Variants in RNF130 observed in about 807,000 individuals in gnomAD.
RNF130 encodes ring finger protein 130, also known as E3 ubiquitin-protein ligase RNF130.
Under a neutral mutation model 44.6 loss-of-function variants are expected in RNF130, and 21 were observed. The ratio of observed to expected loss-of-function variants is 0.47; its 90% confidence interval spans 0.33 to 0.68. The LOEUF (loss-of-function observed/expected upper bound fraction) is 0.68, where lower values mean the gene tolerates loss of function less well. Ranked by LOEUF, RNF130 falls within the 30% of genes least tolerant of loss-of-function variation. The probability of loss-of-function intolerance (pLI) is 0.02; values close to 1 mark genes in which losing one functional copy is unlikely to be tolerated. For missense variants in RNF130, 479 were observed against 560.6 expected, an observed-to-expected ratio of 0.85 and a Z score of 1.47; for synonymous variants, 214 against 210.4, an observed-to-expected ratio of 1.02 and a Z score of -0.15.
intron 3 of RNF130, among the ~76,000 whole-genome samples, chr5:180,002,249 G>A (rs1225198816): frequency 6.6e-6 from 1 of 152,230 alleles, no homozygotes; most frequent in East Asian, 1.9e-4. Flanking sequence ...TACTGCTTCA[G>A]CTCCAGTCCA....
rs550840687 is a variant in RNF130 at position 179,942,241 on chromosome 5, C to A, written c.1151-21815G>T. Among the ~76,000 whole-genome samples, 51 of 128,848 alleles carry A rather than the reference C, an allele frequency of 4.0e-4. 1 individual carries two copies. In the South Asian group the frequency reaches 0.012, roughly 30 times the overall value. 84.5% of individuals were successfully genotyped at this position (128,848 alleles called of 152,430 possible). Reference sequence around the variant, plus strand: ...TTAACCAGCAGTTGTTATTTCTGTACCATCAGTTATGGTAGTTAGACGGCT... The same window carrying A: ...TTAACCAGCAGTTGTTATTTCTGTAACATCAGTTATGGTAGTTAGACGGCT... On this transcript the variant is annotated intron_variant, in intron 7 of 7. Transcript: ENST00000522208.
At chr5:180,002,006 C>T (rs528014336) in intron 3 of RNF130, among the ~76,000 whole-genome samples, 1 of 152,328 alleles carries the variant, frequency 6.6e-6, no homozygotes, top group Admixed American at 6.5e-5. Context: ...CACCAACTCC[C>T]CAAAGGATAA....
chr5:180,046,113 C>T (rs547106683), intron 1 of RNF130, among the ~76,000 whole-genome samples: 32 of 152,188 alleles, frequency 2.1e-4, no homozygotes, highest in African/African-American at 4.8e-4. Flanking sequence ...AGAATCTGTG[C>T]GCGGTGGACC....
chr5:179,952,997 C>A (rs900903342), downstream of RNF130, among the ~76,000 whole-genome samples: 1 of 151,618 alleles, frequency 6.6e-6, no homozygotes, highest in African/African-American at 2.4e-5. Context: ...CTAGCCAGAA[C>A]AATTAAGCAT....
intron 1 of RNF130, among the ~76,000 whole-genome samples, chr5:180,044,814 G>A (rs1016289357): frequency 6.6e-6 from 1 of 151,884 alleles, no homozygotes; most frequent in East Asian, 1.9e-4. Flanking sequence ...CCTGGGCGAC[G>A]GAAGTAGACT....
intron 8 of RNF130, among the ~76,000 whole-genome samples, chr5:179,957,990 G>A (rs1436816178): frequency 6.6e-6 from 1 of 150,678 alleles, no homozygotes; most frequent in African/African-American, 2.4e-5. Context: ...CCATTCTCCT[G>A]CCTCAGCCTC....
intron 7 of RNF130, among the ~76,000 whole-genome samples, chr5:179,965,747 A>T (rs115897957): frequency 4.5e-4 from 68 of 152,356 alleles, no homozygotes; most frequent in Non-Finnish European, 7.9e-4. Context: ...TCTATTGCAT[A>T]GCTGAATGAA....
chr5:180,004,433 C>T (rs888859744), intron 3 of RNF130, among the ~76,000 whole-genome samples: 1 of 152,212 alleles, frequency 6.6e-6, no homozygotes, highest in Non-Finnish European at 1.5e-5. Context: ...ATGAGGAGAT[C>T]TGTCTGAAGT....
chr5:179,914,360 G>A (rs1051814045), exon 8 of RNF130: 1 of 152,254 alleles, frequency 6.6e-6, no homozygotes, highest in Admixed American at 6.5e-5. Flanking sequence ...CTGAACACAC[G>A]AGAGGAAGTG....
exon 8 of RNF130, chr5:179,917,369 A>G (rs569948166): frequency 6.6e-6 from 1 of 152,462 alleles, no homozygotes; most frequent in East Asian, 1.9e-4. Flanking sequence ...AGGGGGGTGG[A>G]TGTGTGGTGT....
At chr5:180,042,961 T>C (rs983839861) in intron 1 of RNF130, among the ~76,000 whole-genome samples, 1 of 152,220 alleles carries the variant, frequency 6.6e-6, no homozygotes, top group Non-Finnish European at 1.5e-5. Flanking sequence ...CTTTAATTTG[T>C]ACTTATTTAT....
chr5:180,015,547 AGGGGAAGGAGTAGGGAAGGAGTAG>A (rs1763701111), intron 2 of RNF130: 1 of 156,138 alleles, frequency 6.4e-6, no homozygotes, highest in African/African-American at 4.7e-5. Context: ...GGAAAGGAGT[AGGGGAAGGAGTAGGGAAGGAGTAG>A]GGAAAGGAGT....
intron 3 of RNF130, among the ~76,000 whole-genome samples, chr5:179,984,822 C>T (rs1762918837): frequency 6.6e-6 from 1 of 152,058 alleles, no homozygotes; most frequent in South Asian, 2.1e-4. Flanking sequence ...TGAAATGCTC[C>T]TAAGTATGAA....
chr5:179,915,668 T>C (rs1199232464), exon 8 of RNF130: 1 of 152,322 alleles, frequency 6.6e-6, no homozygotes, highest in Non-Finnish European at 1.5e-5. Flanking sequence ...CCCAGGCTGG[T>C]GCCGTGCCTA....
downstream of RNF130, among the ~76,000 whole-genome samples, chr5:179,950,994 G>GAT (rs1456331451): frequency 6.6e-5 from 10 of 152,176 alleles, no homozygotes; most frequent in African/African-American, 1.9e-4. Context: ...ACTTTTTACT[G>GAT]AGGAAGCTAT....
At chr5:179,920,475 T>C in intron 7 of RNF130, 1 of 693,342 alleles carries the variant, frequency 1.4e-6, no homozygotes, top group Non-Finnish European at 2.6e-6. Flanking sequence ...CAGGCTTGTG[T>C]TTCTCACATG....
Position 180,071,475 on chromosome 5 carries a change from C to T in RNF130, c.228G>A (p.Ala76=). The change falls in exon 1 of 9, where the codon GCG becomes GCA. Residue 76 remains alanine, a synonymous_variant. Coordinates refer to ENST00000521389, the MANE Select transcript of RNF130 (RefSeq NM_018434.6). ...PKAEVRGQVL[A]PLPLHGVADH... ...ACTCACCTCCGTGGAGGGGCAGCGG[C>T]GCCAGCACCTGGCCGCGGACCTCGG... 8.0e-7 allele frequency: 1 copy of T among 1,248,218 alleles called. No individual in the cohort carries two copies. Among genetic ancestry groups the T allele is most frequent in the East Asian group, 3.1e-5 (1 of 31,746 alleles). The allele number at this position is 1,248,218 out of a possible 1,614,324, so 77.3% of individuals were successfully genotyped here. A position where few individuals can be genotyped will look rare whatever the true frequency, so the allele number is the denominator to read the frequency against.
At chr5:180,041,616 A>T (rs1278629863) in intron 1 of RNF130, among the ~76,000 whole-genome samples, 1 of 152,164 alleles carries the variant, frequency 6.6e-6, no homozygotes, top group Non-Finnish European at 1.5e-5. Context: ...CCAGAAGGGG[A>T]GAGAAGTCAC....
intron 4 of RNF130, among the ~76,000 whole-genome samples, chr5:179,979,398 AG>A (rs775651867): frequency 1.3e-5 from 2 of 151,644 alleles, no homozygotes; most frequent in African/African-American, 2.4e-5. Flanking sequence ...GGTAAAACTT[AG>A]GAAGACAGAG....
Sources: allele counts gnomAD v4.1 joint callset (sites outside exome capture counted in the v4.1 genomes callset), GRCh38; gene constraint gnomAD v4.1.1; transcripts MANE v1.5; gene names NCBI Gene and HGNC (gene_info 2026-07-23, HGNC 2026-07-21).